FLT3: variants seen among roughly 807,000 people sequenced by gnomAD.
The protein encoded by FLT3 is fms related receptor tyrosine kinase 3.
Under a neutral mutation model 126.6 loss-of-function variants are expected in FLT3, and 46 were observed. The ratio of observed to expected loss-of-function variants is 0.36; its 90% CI spans 0.29 to 0.46. The LOEUF (loss-of-function observed/expected upper bound fraction) is 0.46. Among genes scored for constraint, FLT3 ranks in the 20% least tolerant of loss-of-function variants. The pLI, the probability that FLT3 is intolerant of heterozygous loss-of-function variation, is 1.00. For synonymous variants in FLT3, 404 were observed against 434.4 expected (o/e 0.93, Z 0.87); for missense variants, 1,069 against 1,190.3 (o/e 0.90, Z 1.50).
intron 23 of FLT3, among the ~76,000 whole-genome samples, chr13:28,005,426 T>C (rs1870794803): frequency 6.6e-6 from 1 of 152,248 alleles, no homozygotes; most frequent in African/African-American, 2.4e-5. Context: ...TCAGGCTATA[T>C]ATTCTATTTT....
At position 28,071,843 on chromosome 13, in the gene FLT3, T is replaced by C. The variant is rs569915295; in HGVS notation, c.44-1231A>G. Among the ~76,000 whole-genome samples the C allele has an allele frequency of 4.6e-5, 7 of 152,124 alleles. No individual in the cohort carries two copies. In the South Asian group the frequency reaches 1.5e-3, roughly 32 times the overall value. ...CAGCTTTCATCATCTGCTTCTTCTT[T>C]TTAATTTTTTTTTTAAGAGACAGGA... is the stretch of plus-strand genomic sequence containing the variant. On this transcript the variant is annotated intron_variant, in intron 1 of 23. Transcript: ENST00000241453.
chr13:28,082,417 C>T (rs1315715995), intron 1 of FLT3, among the ~76,000 whole-genome samples: 1 of 152,170 alleles, frequency 6.6e-6, no homozygotes, highest in Admixed American at 6.6e-5. Context: ...CTTGCCTCGT[C>T]CTGCCAAATC....
intron 2 of FLT3, among the ~76,000 whole-genome samples, chr13:28,063,885 G>C (rs1876785775): frequency 6.6e-6 from 1 of 152,216 alleles, no homozygotes; most frequent in Non-Finnish European, 1.5e-5. Flanking sequence ...CTTCAAAGGA[G>C]GGAGAAGAGA....
intron 9 of FLT3, among the ~76,000 whole-genome samples, chr13:28,045,854 C>CAAA (rs11356393): frequency 4.8e-5 from 6 of 125,776 alleles, no homozygotes; most frequent in Admixed American, 1.6e-4. Flanking sequence ...GACTCTGTCT[C>CAAA]AAAAAAAAAA....
chr13:28,004,312 T>C, intron 23 of FLT3, 138 bp from the exon 24 acceptor site: 1 of 998,382 alleles, frequency 1.0e-6, no homozygotes. Flanking sequence ...GTTGTTTGTT[T>C]GTTTATTTTT....
At chr13:28,021,778 T>C (rs1158373506) in intron 19 of FLT3, among the ~76,000 whole-genome samples, 8 of 151,850 alleles carry the variant, frequency 5.3e-5, no homozygotes, top group Admixed American at 3.3e-4. Context: ...AGTCTCACTC[T>C]GTCGCCCAGG....
chr13:28,088,291 T>A (rs556174988), intron 1 of FLT3, among the ~76,000 whole-genome samples: 42 of 151,932 alleles, frequency 2.8e-4, no homozygotes, highest in Non-Finnish European at 5.0e-4. Context: ...CAGAAAACAT[T>A]CTTTTTTTTT....
At chr13:28,092,059 G>T (rs768150274) in intron 1 of FLT3, among the ~76,000 whole-genome samples, 1 of 152,164 alleles carries the variant, frequency 6.6e-6, no homozygotes, top group South Asian at 2.1e-4. Flanking sequence ...GATGGAGCGA[G>T]ACTCCGTCTC....
intron 3 of FLT3, among the ~76,000 whole-genome samples, chr13:28,058,417 CAGG>C (rs1328635436): frequency 6.6e-6 from 1 of 151,956 alleles, no homozygotes; most frequent in Admixed American, 6.6e-5. Flanking sequence ...GAGGCTGAGG[CAGG>C]AGAATTGCTT....
intron 17 of FLT3, 36 bp from the exon 18 acceptor site, chr13:28,024,979 A>T: frequency 9.0e-7 from 1 of 1,117,040 alleles, no homozygotes; most frequent in African/African-American, 1.5e-5. Context: ...TATTTACATT[A>T]TTCTTCTCAG....
chr13:28,025,336 C>G (rs1872710759), intron 17 of FLT3: 1 of 443,160 alleles, frequency 2.3e-6, no homozygotes, highest in Admixed American at 2.7e-5. Context: ...TCACATAATA[C>G]AGATCTTCCC....
chr13:28,088,033 T>C (rs2137821169), intron 1 of FLT3, among the ~76,000 whole-genome samples: 1 of 152,330 alleles, frequency 6.6e-6, no homozygotes, highest in East Asian at 1.9e-4. Flanking sequence ...ATATTTCTTG[T>C]TCCTTGTTTG....
rs985832415 is a variant in FLT3 at position 28,062,100 on chromosome 13, T to C, written c.166-31A>G. On this transcript the variant is annotated intron_variant, in intron 2 of 23. Transcript: ENST00000241453. ...TTGCAGATAGAACAAAGTGAATTCA[T>C]GAAAACTGCAGGTCTAAGGCCTCCC... 2.1e-5 allele frequency: 33 copies of C among 1,567,830 alleles called. No homozygotes were observed. In the Admixed American group the frequency reaches 4.7e-4, roughly 22 times the overall value.
chr13:28,062,029 G>T lies in FLT3; in HGVS notation c.206C>A (p.Pro69His), dbSNP rs752457971. 3 of 1,612,706 alleles carry T rather than the reference G, an allele frequency of 1.9e-6. No individual in the cohort carries two copies. In the South Asian group the frequency reaches 3.3e-5, roughly 18 times the overall value. The change falls in exon 3 of 24, where the codon CCC becomes CAC. Residue 69 changes from proline to histidine, a missense_variant. Coordinates refer to ENST00000241453, the MANE Select transcript of FLT3 (RefSeq NM_004119.3). ...TTCGTACACTGTCCCTGAGCTCTGG[G>T]GTCTCAACGCACACCCGAGGTCTTC... ...SPEDLGCALRPQSSGTVYEAA... is the reference protein window; with the variant it reads ...SPEDLGCALRHQSSGTVYEAA...
chr13:28,056,351 G>A (rs1011307027), intron 4 of FLT3, among the ~76,000 whole-genome samples: 2 of 152,280 alleles, frequency 1.3e-5, no homozygotes, highest in Non-Finnish European at 1.5e-5. Context: ...TCTGTGGGCC[G>A]GACATTTAGT....
intron 1 of FLT3, among the ~76,000 whole-genome samples, chr13:28,077,385 G>A (rs1243366814): frequency 6.6e-6 from 1 of 152,124 alleles, no homozygotes; most frequent in Non-Finnish European, 1.5e-5. Flanking sequence ...CTCACATGGT[G>A]GCAGCAAGAG....
intron 1 of FLT3, among the ~76,000 whole-genome samples, chr13:28,072,294 C>T (rs1877588309): frequency 6.6e-6 from 1 of 151,914 alleles, no homozygotes; most frequent in South Asian, 2.1e-4. Context: ...AACGAATACC[C>T]CAAACAAGCT....
chr13:28,018,487 T>G lies in FLT3; in HGVS notation c.2521A>C (p.Asn841His), dbSNP rs772061268. The change falls in exon 20 of 24, where the codon AAC becomes CAC. Residue 841 changes from asparagine (N) to histidine (H), a missense_variant. Asn to His is a moderately conservative substitution (Grantham distance 68). Coordinates refer to ENST00000241453, the MANE Select transcript of FLT3 (RefSeq NM_004119.3). ...CTCACATTGCCCCTGACAACATAGT[T>G]GGAATCACTCATGATATCTCGAGCC... is the stretch of plus-strand genomic sequence containing the variant. ...GLARDIMSDSNYVVRGNARLP... is the reference protein window; with the variant it reads ...GLARDIMSDSHYVVRGNARLP... The G allele has an allele frequency of 6.2e-7, 1 of 1,614,130 alleles. No individual in the cohort carries two copies. The highest frequency in any genetic ancestry group is 8.5e-7 in the Non-Finnish European group (1 of 1,179,990).
Position 28,044,100 on chromosome 13 carries a change from T to G in FLT3, c.1205+4175A>C, listed in dbSNP as rs188628813. Among the ~76,000 whole-genome samples, 476 of 146,836 alleles carry G rather than the reference T, an allele frequency of 3.2e-3. 2 individuals are homozygous for G. Among genetic ancestry groups the G allele is most frequent in the Non-Finnish European group, 4.1e-3 (278 of 67,152 alleles). On this transcript the variant is annotated intron_variant, in intron 9 of 23. Transcript: ENST00000241453. The stretch of plus-strand genomic sequence containing the variant: ...GGAGGAGGTTGCAGTAAGCCAAGAT[T>G]GCGCCACTGCACTCTAGCCTGGGTG...
Sources: allele counts gnomAD v4.1 joint callset (sites outside exome capture counted in the v4.1 genomes callset), GRCh38; gene constraint gnomAD v4.1.1; transcripts MANE v1.5; gene names NCBI Gene and HGNC (gene_info 2026-07-23, HGNC 2026-07-21).